The following CAMSAP3 variants were observed in gnomAD, a reference collection of about 807,000 sequenced individuals.
CAMSAP3 encodes the protein calmodulin regulated spectrin associated protein family member 3.
A neutral mutation model predicts 112.5 loss-of-function variants in CAMSAP3; 34 were observed. The observed-to-expected ratio is 0.30, with a 90% CI of 0.23 to 0.40. CAMSAP3 has a LOEUF of 0.40. Among genes scored for constraint, CAMSAP3 ranks in the 10% least tolerant of loss-of-function variants. The pLI is 1.00. For synonymous variants in CAMSAP3, 868 were observed against 799.8 expected (o/e 1.09, Z -1.44); for missense variants, 1,602 against 1,770.3 (o/e 0.90, Z 1.71).
Position 7,616,934 on chromosome 19 carries a change from C to CTTTTTTT in CAMSAP3, c.3212+330_3212+336dup, listed in dbSNP as rs545769780. Among the ~76,000 whole-genome samples the CTTTTTTT allele has an allele frequency of 3.9e-3, 324 of 83,012 alleles. 20 individuals are homozygous for CTTTTTTT. Among genetic ancestry groups the CTTTTTTT allele is most frequent in the African/African-American group, 0.015 (279 of 19,100 alleles). The allele number at this position is 83,012 out of a possible 152,430, so 54.5% of individuals were successfully genotyped here. Reference sequence around the variant, plus strand: ...CTCCTCTGCAGTGTGTGTGGCCCGCCTTTTTTTTTTTTTTTTTTTTTTTTG... The same window carrying CTTTTTTT: ...CTCCTCTGCAGTGTGTGTGGCCCGCCTTTTTTTTTTTTTTTTTTTTTTTTTTTTTTTG... On this transcript the variant is annotated intron_variant, in intron 14 of 16. Coordinates refer to ENST00000160298, the MANE Select transcript of CAMSAP3 (RefSeq NM_020902.2).
chr19:7,596,852 G>A (rs1406042873), intron 1 of CAMSAP3, among the ~76,000 whole-genome samples: 4 of 152,084 alleles, frequency 2.6e-5, no homozygotes, highest in Admixed American at 6.5e-5. Context: ...TGGGCCCCCC[G>A]CTCCTCCCGG....
In CAMSAP3 at chr19:7,613,055, C is replaced by A. The variant is rs776730247; in HGVS notation, c.2562C>A (p.Pro854=). 359 of 1,549,364 alleles carry A rather than the reference C, an allele frequency of 2.3e-4. No individual in the cohort carries two copies. Among genetic ancestry groups the A allele is most frequent in the Non-Finnish European group, 2.5e-4 (290 of 1,147,580 alleles). The change falls in exon 11 of 17, where the codon CCC becomes CCA. Residue 854 remains proline, a synonymous_variant. Transcript: ENST00000160298. ...IEIPLGSLAD[P]AAEDEGDGSP... ...TCCCGCTGGGCAGCCTGGCAGATCC[C>A]GCCGCCGAGGACGAGGGAGACGGGA... is the stretch of plus-strand genomic sequence containing the variant.
In CAMSAP3 at chr19:7,596,079, A is replaced by G. The variant is rs778881774; in HGVS notation, c.77A>G (p.Gln26Arg). 14 of 1,267,156 alleles carry G rather than the reference A, an allele frequency of 1.1e-5. No homozygotes were observed. In the South Asian group the frequency reaches 1.9e-4, roughly 17 times the overall value. 78.5% of individuals were successfully genotyped at this position (1,267,156 alleles called of 1,614,324 possible). A position where few individuals can be genotyped will look rare whatever the true frequency, so the allele number is the denominator to read the frequency against. Residue 26 changes from glutamine to arginine, a missense_variant, in exon 1 of 17, where the codon CAG becomes CGG. Around this residue, in one of 6 missense-constraint regions of CAMSAP3, gnomAD observed 147 missense variants for 144.6 expected, o/e 1.02. Transcript: ENST00000160298. ...GTGCCCGAGATCAAGTCGCTGGACCAGTACGATTTCTCGCGGGCCAAGGCG... is the reference window on the plus strand; with the variant it reads ...GTGCCCGAGATCAAGTCGCTGGACCGGTACGATTTCTCGCGGGCCAAGGCG... ...FLVPEIKSLDQYDFSRAKAAA... is the reference protein window; with the variant it reads ...FLVPEIKSLDRYDFSRAKAAA...
chr19:7,606,228 C>A lies in CAMSAP3; in HGVS notation c.403-43C>A, dbSNP rs767629756. ...GGCCCTTGGGGGCCGAGGTGCGCCT[C>A]CTGCAGCTCTCAGGTCTCACCCTCT... On this transcript the variant is annotated intron_variant, in intron 2 of 16. Transcript: ENST00000160298. 118 of 1,590,504 alleles carry A rather than the reference C, an allele frequency of 7.4e-5. 2 individuals are homozygous for A. The Middle Eastern group carries it at 8.3e-4, about 11-fold the overall frequency.
intron 1 of CAMSAP3, 75 bp from the exon 2 acceptor site, chr19:7,605,150 GT>G: frequency 1.4e-6 from 1 of 732,518 alleles, no homozygotes; most frequent in Non-Finnish European, 2.2e-6. Context: ...GCCATGTGGT[GT>G]GTGTGTGTGT....
chr19:7,616,173 C>T (rs1381847429), intron 13 of CAMSAP3, among the ~76,000 whole-genome samples: 4 of 144,660 alleles, frequency 2.8e-5, no homozygotes, highest in Non-Finnish European at 3.0e-5. Flanking sequence ...GGCAACAGAG[C>T]GAGACTCCGT....
In CAMSAP3 at chr19:7,612,847, G is replaced by A. The variant is rs1174342817; in HGVS notation, c.2354G>A (p.Arg785Gln). ...TCACCCCGCAGCCCGAAACACACGC[G>A]GCCAGCGGAGCTGCGGCTGGCACCC... The part of the protein sequence containing the change: ...SQSPRSPKHT[R>Q]PAELRLAPLT... The change falls in exon 11 of 17, where the codon CGG (arginine) becomes CAG (glutamine). Residue 785 changes from arginine to glutamine, a missense_variant. Physicochemically the swap from Arg to Gln is conservative, Grantham distance 43 (BLOSUM62 1). Coordinates refer to ENST00000160298, the MANE Select transcript of CAMSAP3 (RefSeq NM_020902.2). 8 of 1,590,536 alleles carry A rather than the reference G, an allele frequency of 5.0e-6. No individual in the cohort carries two copies. Among genetic ancestry groups the A allele is most frequent in the East Asian group, 2.3e-5 (1 of 43,368 alleles).
Position 7,606,592 on chromosome 19 carries a change from C to G in CAMSAP3, c.621+21C>G, listed in dbSNP as rs201731650. 80 of 1,518,926 alleles carry G rather than the reference C, an allele frequency of 5.3e-5. No individual in the cohort carries two copies. The East Asian group carries it at 1.9e-3, about 35-fold the overall frequency. The allele number at this position is 1,518,926 out of a possible 1,614,324, so 94.1% of individuals were successfully genotyped here. A position where few individuals can be genotyped will look rare whatever the true frequency, so the allele number is the denominator to read the frequency against. On this transcript the variant is annotated intron_variant, in intron 4 of 16. Transcript: ENST00000160298. ...CCTCGGTGAGGCCAGGGCATAGAACCGTCAGAAGGATGGGGGACCGGAGAT... is the reference window on the plus strand; with the variant it reads ...CCTCGGTGAGGCCAGGGCATAGAACGGTCAGAAGGATGGGGGACCGGAGAT...
In CAMSAP3 at chr19:7,617,277, C is replaced by A; in HGVS notation, c.3213-49C>A. 1 of 1,339,022 alleles carries A rather than the reference C, an allele frequency of 7.5e-7. No individual in the cohort carries two copies. The highest frequency in any genetic ancestry group is 1.1e-6 in the Non-Finnish European group (1 of 929,996). The allele number at this position is 1,339,022 out of a possible 1,614,324, so 82.9% of individuals were successfully genotyped here. A position where few individuals can be genotyped will look rare whatever the true frequency, so the allele number is the denominator to read the frequency against. ...GGAAGCTTCCCATCTCTGACCCCAC[C>A]TCCATCCCATCCTGACCCCACCTCC... is the stretch of plus-strand genomic sequence containing the variant. On this transcript the variant is annotated intron_variant, in intron 14 of 16. Transcript: ENST00000160298. This position sits in a 1 kb window ranked among gnomAD's most constrained non-coding sequence, Gnocchi z 7.5.
Position 7,611,749 on chromosome 19 carries a change from T to C in CAMSAP3, c.1256T>C (p.Val419Ala). 1 of 1,576,052 alleles carries C rather than the reference T, an allele frequency of 6.3e-7. No homozygotes were observed. Among genetic ancestry groups the C allele is most frequent in the South Asian group, 1.2e-5 (1 of 86,436 alleles). ...TPFGLDSDVD[V>A]VMGDPVLLRS... is the part of the protein sequence containing the mutation. The stretch of plus-strand genomic sequence containing the variant: ...TTTGGCCTGGACAGCGACGTGGATG[T>C]CGTCATGGGAGACCCTGTGCTCCTC... Residue 419 changes from valine to alanine, a missense_variant, in exon 11 of 17, where the codon GTC becomes GCC. This residue lies in a region of CAMSAP3 where 1,100 missense variants were observed against 1,135.7 expected (regional missense o/e 0.97). Coordinates refer to ENST00000160298, the MANE Select transcript of CAMSAP3 (RefSeq NM_020902.2). The surrounding 1 kb of genome is among the most constrained non-coding windows in gnomAD (Gnocchi z 6.9).
Position 7,611,962 on chromosome 19 carries a change from G to A in CAMSAP3, c.1469G>A (p.Gly490Glu), listed in dbSNP as rs376270966. Residue 490 changes from glycine to glutamate, a missense_variant, in exon 11 of 17, where the codon GGG (glycine) becomes GAG (glutamate). This residue lies in a region of CAMSAP3 where 1,100 missense variants were observed against 1,135.7 expected (regional missense o/e 0.97). Transcript: ENST00000160298. This position sits in a 1 kb window ranked among gnomAD's most constrained non-coding sequence, Gnocchi z 6.9. The part of the protein sequence containing the change: ...DGSFYLHSPE[G>E]PSKPSLASPY... ...AGCTTCTACCTCCACTCCCCTGAGG[G>A]GCCCTCCAAGCCATCCCTGGCCTCC... The A allele has an allele frequency of 6.2e-6, 10 of 1,610,740 alleles. No individual in the cohort carries two copies. Among genetic ancestry groups the A allele is most frequent in the Non-Finnish European group, 8.5e-6 (10 of 1,179,250 alleles).
rs1459821493 is a variant in CAMSAP3, at chr19:7,615,763, G to A, written c.3112+44G>A. ...CGGGGCCTGCCCAGTGCCCTTTCCG[G>A]GGCTCACTGGGTGAGGCCCCCATGG... is the stretch of plus-strand genomic sequence containing the variant. On this transcript the variant is annotated intron_variant, in intron 13 of 16. Coordinates refer to ENST00000160298, the MANE Select transcript of CAMSAP3 (RefSeq NM_020902.2). This position sits in a 1 kb window ranked among gnomAD's most constrained non-coding sequence, Gnocchi z 6.5. 3.0e-6 allele frequency: 4 copies of A among 1,328,390 alleles called. No homozygotes were observed. In the African/African-American group the frequency reaches 6.2e-5, roughly 21 times the overall value. The allele number at this position is 1,328,390 out of a possible 1,614,324, so 82.3% of individuals were successfully genotyped here.
rs2030281877 is a variant in CAMSAP3 at position 7,607,570 on chromosome 19, C to T, written c.622-556C>T. ...CCTGCCTACCCGCTTCCTCTGCATC[C>T]TCTCCCCAAGCTGGGGGCCTGGGTC... is the stretch of plus-strand genomic sequence containing the variant. On this transcript the variant is annotated intron_variant, in intron 4 of 16. Coordinates refer to ENST00000160298, the MANE Select transcript of CAMSAP3 (RefSeq NM_020902.2). This position sits in a 1 kb window ranked among gnomAD's most constrained non-coding sequence, Gnocchi z 4.9. 6.6e-6 allele frequency among the ~76,000 whole-genome samples: 1 copy of T among 152,138 alleles called. No individual in the cohort carries two copies. The highest frequency in any genetic ancestry group is 2.1e-4 in the South Asian group (1 of 4,826).
chr19:7,613,536 G>C (rs1366378224), intron 11 of CAMSAP3, among the ~76,000 whole-genome samples: 2 of 151,644 alleles, frequency 1.3e-5, no homozygotes, highest in Non-Finnish European at 2.9e-5. Flanking sequence ...GGGTATGTTT[G>C]GGGGTGAGGG....
At position 7,617,492 on chromosome 19, in the gene CAMSAP3, C is replaced by T. The variant is rs751149705; in HGVS notation, c.3326-51C>T. 1 of 1,608,100 alleles carries T rather than the reference C, an allele frequency of 6.2e-7. No individual in the cohort carries two copies. Among genetic ancestry groups the T allele is most frequent in the Non-Finnish European group, 8.5e-7 (1 of 1,174,540 alleles). ...AGCAACAGGCACCCTCCTCCACAGC[C>T]CCTGCTCATTCCTGCTGCCCCCCAC... is the stretch of plus-strand genomic sequence containing the variant. On this transcript the variant is annotated intron_variant, in intron 15 of 16. Coordinates refer to ENST00000160298, the MANE Select transcript of CAMSAP3 (RefSeq NM_020902.2). This position sits in a 1 kb window ranked among gnomAD's most constrained non-coding sequence, Gnocchi z 7.5.
intron 1 of CAMSAP3, among the ~76,000 whole-genome samples, chr19:7,604,519 C>T (rs2030107028): frequency 6.6e-6 from 1 of 152,148 alleles, no homozygotes; most frequent in Non-Finnish European, 1.5e-5. Flanking sequence ...CAGCAAGGTC[C>T]TGGCTACCTC....
intron 1 of CAMSAP3, among the ~76,000 whole-genome samples, chr19:7,604,165 C>A (rs528862752): frequency 1.3e-5 from 2 of 152,092 alleles, no homozygotes; most frequent in Non-Finnish European, 2.9e-5. Flanking sequence ...CAGATTAGAA[C>A]AAGAGCTGGA....
Position 7,607,892 on chromosome 19 carries a change from TC to T in CAMSAP3, c.622-231del. ...TGGTAATGTATCCCCCGCCCCGGGG[TC>T]CCAGGAGTCCCTGTCCCCAGCCCCC... On this transcript the variant is annotated intron_variant, in intron 4 of 16. Coordinates refer to ENST00000160298, the MANE Select transcript of CAMSAP3 (RefSeq NM_020902.2). The surrounding 1 kb of genome is among the most constrained non-coding windows in gnomAD (Gnocchi z 4.9). 4 of 910,040 alleles carry T rather than the reference TC, an allele frequency of 4.4e-6. No homozygotes were observed. Among genetic ancestry groups the T allele is most frequent in the Non-Finnish European group, 5.2e-6 (3 of 575,550 alleles). 56.4% of individuals were successfully genotyped at this position (910,040 alleles called of 1,614,324 possible).
In CAMSAP3 at chr19:7,607,660, G is replaced by A. The variant is rs1171685355; in HGVS notation, c.622-466G>A. ...TACTCTGTGGGGTCCCTTGGGGCTGGGAGGAGCTGGGGTTCGCGAAGCCGG... is the reference window on the plus strand; with the variant it reads ...TACTCTGTGGGGTCCCTTGGGGCTGAGAGGAGCTGGGGTTCGCGAAGCCGG... On this transcript the variant is annotated intron_variant, in intron 4 of 16. Transcript: ENST00000160298. The surrounding 1 kb of genome is among the most constrained non-coding windows in gnomAD (Gnocchi z 4.9). 6.6e-6 allele frequency among the ~76,000 whole-genome samples: 1 copy of A among 152,116 alleles called. No homozygotes were observed. The highest frequency in any genetic ancestry group is 1.5e-5 in the Non-Finnish European group (1 of 67,996).
Sources: gnomAD v4.1 joint callset for allele counts (sites outside exome capture counted in the v4.1 genomes callset) on GRCh38, gnomAD v4.1.1 for gene constraint, gnomAD v4.1.1 regional missense constraint, Gnocchi (gnomAD v3.1) non-coding constraint, MANE v1.5 for transcripts, NCBI Gene and HGNC (gene_info 2026-07-23, HGNC 2026-07-21) for gene names.